Variants in LTBP1 observed in about 807,000 individuals in gnomAD.
LTBP1 encodes latent transforming growth factor beta binding protein 1.
LTBP1 carries 129 observed loss-of-function variants against 207.6 expected under a neutral mutation model. That is an observed-to-expected ratio of 0.62 (90% CI 0.54 to 0.72). The LOEUF (loss-of-function observed/expected upper bound fraction) is 0.72. LTBP1 is among the 30% of genes least tolerant of loss of function. The pLI, the probability that LTBP1 is intolerant of heterozygous loss-of-function variation, is 0.00. For synonymous variants in LTBP1, 963 were observed against 833.7 expected (o/e 1.16, Z -2.67); for missense variants, 2,281 against 2,217.2 (o/e 1.03, Z -0.58).
chr2:33,135,093 T>C lies in LTBP1; in HGVS notation c.1201+133T>C, dbSNP rs112748049. 6.2e-5 allele frequency: 58 copies of C among 930,314 alleles called. No homozygotes were observed. In the African/African-American group the frequency reaches 7.7e-4, roughly 12 times the overall value. The allele number at this position is 930,314 out of a possible 1,614,324, so 57.6% of individuals were successfully genotyped here. On this transcript the variant is annotated intron_variant, in intron 5 of 33. Coordinates refer to ENST00000404816, the MANE Select transcript of LTBP1 (RefSeq NM_206943.4). ...TGTCTATGAGTACGAGTATGTTTCT[T>C]TCATGGGATCTTTTAAATTGCTTTT... is the stretch of plus-strand genomic sequence containing the variant.
intron 5 of LTBP1, among the ~76,000 whole-genome samples, 186 bp from the exon 6 acceptor site, chr2:33,186,669 GA>G (rs2087236757): frequency 6.6e-6 from 1 of 152,192 alleles, no homozygotes; most frequent in Admixed American, 6.5e-5. Context: ...AAGATGGAAA[GA>G]AAAAGGTAGT....
At chr2:33,232,431 T>C (rs1001014509) in intron 9 of LTBP1, among the ~76,000 whole-genome samples, 1 of 152,116 alleles carries the variant, frequency 6.6e-6, no homozygotes, top group Non-Finnish European at 1.5e-5. Flanking sequence ...AGAAAATGGA[T>C]TTGTGGCTTA....
chr2:33,182,950 G>C (rs940310828), intron 5 of LTBP1, among the ~76,000 whole-genome samples: 2 of 115,012 alleles, frequency 1.7e-5, no homozygotes, highest in South Asian at 4.8e-4. Context: ...TATTTATTTA[G>C]TACTTGATAA....
chr2:33,010,194 A>T (rs921587244), intron 2 of LTBP1, among the ~76,000 whole-genome samples: 2 of 152,196 alleles, frequency 1.3e-5, no homozygotes, highest in African/African-American at 4.8e-5. Context: ...CTCCCACTGG[A>T]TTTAGCAGCC....
chr2:33,013,093 A>G (rs1687897312), intron 2 of LTBP1, among the ~76,000 whole-genome samples: 1 of 152,198 alleles, frequency 6.6e-6, no homozygotes, highest in East Asian at 1.9e-4. Flanking sequence ...GGACACCTAC[A>G]TATATGTATG....
chr2:33,379,441 CGTT>C (rs1480712679), intron 31 of LTBP1, among the ~76,000 whole-genome samples: 1 of 152,076 alleles, frequency 6.6e-6, no homozygotes, highest in East Asian at 1.9e-4. Context: ...AATCTCCTGA[CGTT>C]GTGATCCACC....
chr2:32,954,243 T>C (rs1218857628), intron 2 of LTBP1, among the ~76,000 whole-genome samples: 2 of 152,218 alleles, frequency 1.3e-5, no homozygotes, highest in African/African-American at 4.8e-5. Context: ...ACTGCCTAAC[T>C]TCACATCATG....
chr2:33,351,714 C>T (rs2094784240), intron 26 of LTBP1, among the ~76,000 whole-genome samples: 1 of 152,148 alleles, frequency 6.6e-6, no homozygotes, highest in Non-Finnish European at 1.5e-5. Flanking sequence ...TCTTCTGAAA[C>T]ATTTGACAGT....
intron 3 of LTBP1, among the ~76,000 whole-genome samples, chr2:33,040,654 C>T (rs918968129): frequency 3.3e-5 from 5 of 152,180 alleles, no homozygotes; most frequent in African/African-American, 1.2e-4. Context: ...GTGTTCCTGC[C>T]TGTCATATCC....
rs766455952 is a variant in LTBP1 at position 33,021,042 on chromosome 2, G to A, written c.699G>A (p.Gly233=). The part of the protein sequence containing the change: ...AQDTSSPVFG[G]QSPGAASSWG... ...ACACCTCGTCACCAGTCTTTGGAGG[G>A]CAGAGTCCTGGGGCTGCTTCCTCGT... Residue 233 remains glycine (G), a synonymous_variant, in exon 3 of 34, where the codon GGG becomes GGA. Transcript: ENST00000404816. 1.2e-6 allele frequency: 2 copies of A among 1,614,098 alleles called. No homozygotes were observed. The highest frequency in any genetic ancestry group is 1.6e-4 in the Middle Eastern group (1 of 6,062).
intron 3 of LTBP1, among the ~76,000 whole-genome samples, chr2:33,054,555 G>A (rs897163664): frequency 3.3e-5 from 5 of 152,162 alleles, no homozygotes; most frequent in Non-Finnish European, 5.9e-5. Flanking sequence ...AATAAGGTGT[G>A]GGACTTACAG....
chr2:33,079,149 C>A (rs2078257662), intron 3 of LTBP1, among the ~76,000 whole-genome samples: 1 of 152,076 alleles, frequency 6.6e-6, no homozygotes, highest in Admixed American at 6.6e-5. Flanking sequence ...TGTTGTAATA[C>A]TGTTTATTTA....
chr2:33,252,642 C>A, intron 10 of LTBP1, 35 bp from the exon 11 acceptor site: 1 of 1,570,288 alleles, frequency 6.4e-7, no homozygotes, highest in Non-Finnish European at 8.7e-7. Context: ...GTTTTGGTTT[C>A]TCATGTAATG....
intron 5 of LTBP1, among the ~76,000 whole-genome samples, chr2:33,152,492 A>T (rs993030115): frequency 2.6e-5 from 4 of 152,242 alleles, no homozygotes; most frequent in African/African-American, 9.6e-5. Flanking sequence ...TATAGCCACT[A>T]TAGAAAACAG....
chr2:33,157,374 C>G lies in LTBP1; in HGVS notation c.1201+22414C>G, dbSNP rs567127930. 8.5e-5 allele frequency among the ~76,000 whole-genome samples: 13 copies of G among 152,266 alleles called. No homozygotes were observed. The East Asian group carries it at 2.3e-3, about 27-fold the overall frequency. On this transcript the variant is annotated intron_variant, in intron 5 of 33. Transcript: ENST00000404816. ...TCTGAACAGTTGAAAGCTGATTTAC[C>G]AAAGGATCCTGCGTGCAGGAGGAGT...
At chr2:33,105,551 C>G (rs2080019466) in intron 3 of LTBP1, among the ~76,000 whole-genome samples, 1 of 151,968 alleles carries the variant, frequency 6.6e-6, no homozygotes, top group Non-Finnish European at 1.5e-5. Flanking sequence ...ATTCTCGTGC[C>G]TCAAGCTCCC....
At chr2:33,285,285 A>G (rs535066445) in intron 19 of LTBP1, among the ~76,000 whole-genome samples, 1 of 151,214 alleles carries the variant, frequency 6.6e-6, no homozygotes, top group African/African-American at 2.4e-5. Context: ...CAGGTGATCC[A>G]CCCATCTCAG....
chr2:32,983,992 T>A (rs529949908), intron 2 of LTBP1, among the ~76,000 whole-genome samples: 2 of 152,370 alleles, frequency 1.3e-5, no homozygotes, highest in African/African-American at 4.8e-5. Context: ...AATTTTCATC[T>A]AAGACACTTG....
chr2:32,966,310 A>G (rs1004859203), intron 2 of LTBP1, among the ~76,000 whole-genome samples: 2 of 151,954 alleles, frequency 1.3e-5, no homozygotes, highest in African/African-American at 4.8e-5. Context: ...CTTTTTCAGG[A>G]CAGAAGTTTT....
Sources: gnomAD v4.1 joint callset for allele counts (sites outside exome capture counted in the v4.1 genomes callset) on GRCh38, gnomAD v4.1.1 for gene constraint, MANE v1.5 for transcripts, NCBI Gene and HGNC (gene_info 2026-07-23, HGNC 2026-07-21) for gene names.